CDH8: variants seen among roughly 807,000 people sequenced by gnomAD.
The protein encoded by CDH8 is cadherin 8.
Under a neutral mutation model 68.1 loss-of-function variants are expected in CDH8, and 17 were observed. The ratio of observed to expected loss-of-function variants is 0.25; its 90% CI spans 0.17 to 0.37. CDH8 has a LOEUF of 0.37. Among genes scored for constraint, CDH8 ranks in the 10% least tolerant of loss-of-function variants. CDH8 has a pLI of 1.00. For synonymous variants in CDH8, 372 were observed against 365.1 expected (o/e 1.02, Z -0.21); for missense variants, 763 against 999.3 (o/e 0.76, Z 3.19).
intron 2 of CDH8, among the ~76,000 whole-genome samples, chr16:61,996,844 C>CA (rs1230523587): frequency 6.6e-6 from 1 of 152,148 alleles, no homozygotes; most frequent in Non-Finnish European, 1.5e-5. Flanking sequence ...CTCAGCCTCT[C>CA]AAAGCGCTGG....
chr16:61,836,536 G>A (rs1199759465), intron 4 of CDH8, among the ~76,000 whole-genome samples: 2 of 151,940 alleles, frequency 1.3e-5, no homozygotes, highest in Non-Finnish European at 2.9e-5. Flanking sequence ...GCACAACTCT[G>A]ACTGCACAAA....
chr16:61,812,628 G>C (rs1961977975), intron 7 of CDH8, among the ~76,000 whole-genome samples: 1 of 152,070 alleles, frequency 6.6e-6, no homozygotes, highest in East Asian at 1.9e-4. Context: ...TGAAAGAACT[G>C]ACTTATTTCT....
intron 8 of CDH8, among the ~76,000 whole-genome samples, chr16:61,784,366 CA>C: frequency 6.7e-6 from 1 of 149,466 alleles, no homozygotes; most frequent in Middle Eastern, 3.6e-3. Flanking sequence ...GTAAAGGGAT[CA>C]ATTCAACAAG....
chr16:61,782,967 TA>T (rs1225116214), intron 8 of CDH8, among the ~76,000 whole-genome samples: 2 of 150,860 alleles, frequency 1.3e-5, no homozygotes. Context: ...CAAAAGTAGA[TA>T]AAACCACAAA....
At chr16:61,811,360 TC>T (rs1961945554) in intron 7 of CDH8, among the ~76,000 whole-genome samples, 1 of 152,248 alleles carries the variant, frequency 6.6e-6, no homozygotes, top group African/African-American at 2.4e-5. Context: ...TTGGGGACAA[TC>T]AAATTTTTAT....
At position 61,926,273 on chromosome 16, in the gene CDH8, GTTTGATCC is replaced by G. The variant is rs368160655; in HGVS notation, c.253-24808_253-24801del. 1.7e-4 allele frequency among the ~76,000 whole-genome samples: 26 copies of G among 151,758 alleles called. No individual in the cohort carries two copies. In the East Asian group the frequency reaches 5.1e-3, roughly 30 times the overall value. Reference sequence around the variant, plus strand: ...TGAAATAGAATAAACATTCATTGAGGTTTGATCCTTTGGCAGATAATTTAAATCACAAG... The same window carrying G: ...TGAAATAGAATAAACATTCATTGAGGTTTGGCAGATAATTTAAATCACAAG... On this transcript the variant is annotated intron_variant, in intron 2 of 11. Transcript: ENST00000577390.
chr16:61,963,315 C>T (rs2150572735), intron 2 of CDH8, among the ~76,000 whole-genome samples: 1 of 152,268 alleles, frequency 6.6e-6, no homozygotes, highest in East Asian at 1.9e-4. Flanking sequence ...CTAAAATACT[C>T]CATCATGTTT....
chr16:61,672,348 T>G (rs962890526), intron 10 of CDH8, among the ~76,000 whole-genome samples: 58 of 152,228 alleles, frequency 3.8e-4, no homozygotes, highest in African/African-American at 1.4e-3. Context: ...TTGAATATCA[T>G]AGTAGACAGT....
chr16:61,727,007 T>A, intron 9 of CDH8, 87 bp downstream of exon 9: 1 of 1,372,222 alleles, frequency 7.3e-7, no homozygotes, highest in Non-Finnish European at 1.0e-6. Context: ...TCATAAATGA[T>A]GCAAATGCAC....
At chr16:61,697,240 G>T in intron 10 of CDH8, among the ~76,000 whole-genome samples, 1 of 152,110 alleles carries the variant, frequency 6.6e-6, no homozygotes, top group East Asian at 1.9e-4. Context: ...CAATGGGCAT[G>T]TGGGTTGGTT....
rs1472872400 is a variant in CDH8 at position 61,901,488 on chromosome 16, G to T, written c.253-15C>A. On this transcript the variant is annotated splice_polypyrimidine_tract_variant and intron_variant, in intron 2 of 11. Transcript: ENST00000577390. ...TCTGTGTGTAGCTGAAATGAAAAAT[G>T]GCATTAGTTAGTGATGGAGCAATCT... 2 of 1,595,176 alleles carry T rather than the reference G, an allele frequency of 1.3e-6. No individual in the cohort carries two copies. The highest frequency in any genetic ancestry group is 3.4e-5 in the Admixed American group (2 of 58,192).
chr16:61,656,826 A>C (rs559709029), intron 10 of CDH8, among the ~76,000 whole-genome samples: 1 of 152,294 alleles, frequency 6.6e-6, no homozygotes, highest in South Asian at 2.1e-4. Flanking sequence ...CAGTTCTCAA[A>C]CTTTCACCCC....
In CDH8 at chr16:61,670,112, C is replaced by T. The variant is rs567066239; in HGVS notation, c.1655-14391G>A. On this transcript the variant is annotated intron_variant, in intron 10 of 11. Coordinates refer to ENST00000577390, the MANE Select transcript of CDH8 (RefSeq NM_001796.5). ...CTCTTTCTTGGTTATATTTCGTGTACTATCTTTGTGATTCTATGATTTTGT... is the reference window on the plus strand; with the variant it reads ...CTCTTTCTTGGTTATATTTCGTGTATTATCTTTGTGATTCTATGATTTTGT... Among the ~76,000 whole-genome samples the T allele has an allele frequency of 4.8e-4, 73 of 152,104 alleles. 1 individual carries two copies. The South Asian group carries it at 0.014, about 30-fold the overall frequency.
chr16:61,887,548 T>G (rs1050023270), intron 3 of CDH8, among the ~76,000 whole-genome samples: 1 of 152,164 alleles, frequency 6.6e-6, no homozygotes, highest in East Asian at 1.9e-4. Context: ...TGCGCACTTG[T>G]GCCCCTGATG....
chr16:61,752,331 T>A (rs1960189118), intron 8 of CDH8, among the ~76,000 whole-genome samples: 1 of 152,284 alleles, frequency 6.6e-6, no homozygotes, highest in South Asian at 2.1e-4. Context: ...TCTGGATGAT[T>A]AGCAAAAAAC....
At chr16:61,659,680 C>A (rs573842776) in intron 10 of CDH8, among the ~76,000 whole-genome samples, 1 of 152,172 alleles carries the variant, frequency 6.6e-6, no homozygotes, top group South Asian at 2.1e-4. Flanking sequence ...TTTCCCCCAG[C>A]ATCATATGCT....
chr16:61,675,324 T>C (rs897458299), intron 10 of CDH8, among the ~76,000 whole-genome samples: 1 of 151,764 alleles, frequency 6.6e-6, no homozygotes, highest in African/African-American at 2.4e-5. Flanking sequence ...TTGGAAATCA[T>C]CATTCTCAGT....
chr16:61,789,740 A>G (rs1046924522), intron 7 of CDH8, among the ~76,000 whole-genome samples: 4 of 152,116 alleles, frequency 2.6e-5, no homozygotes, highest in Admixed American at 6.6e-5. Flanking sequence ...AGCATCTTCA[A>G]AAATGGATGC....
At chr16:61,674,263 G>A (rs969632497) in intron 10 of CDH8, among the ~76,000 whole-genome samples, 2 of 152,002 alleles carry the variant, frequency 1.3e-5, no homozygotes, top group African/African-American at 4.8e-5. Flanking sequence ...GACCAGCCTG[G>A]CCAACATGGT....
Sources: allele counts gnomAD v4.1 joint callset (sites outside exome capture counted in the v4.1 genomes callset), GRCh38; gene constraint gnomAD v4.1.1; transcripts MANE v1.5; gene names NCBI Gene and HGNC (gene_info 2026-07-23, HGNC 2026-07-21).